Variants in CAPN11 observed in about 807,000 individuals in gnomAD.
CAPN11 encodes the protein calpain 11.
CAPN11 carries 108 observed loss-of-function variants against 105.3 expected under a neutral mutation model. That is an observed-to-expected ratio of 1.03 (90% CI 0.88 to 1.20). The LOEUF is 1.20. Among genes scored for constraint, CAPN11 ranks in the 50% most tolerant of loss-of-function variants. CAPN11 has a pLI of 0.00. For missense variants in CAPN11, 883 were observed against 924.8 expected (o/e 0.95, Z 0.59); for synonymous variants, 329 against 344.5 (o/e 0.96, Z 0.50).
intron 1 of CAPN11, among the ~76,000 whole-genome samples, chr6:44,160,078 G>A (rs1432429891): frequency 6.6e-6 from 1 of 151,816 alleles, no homozygotes; most frequent in Non-Finnish European, 1.5e-5. Context: ...AGGTTGCAGT[G>A]AGCCGAGATC....
At chr6:44,181,575 C>G (rs1773405501) in intron 19 of CAPN11, among the ~76,000 whole-genome samples, 1 of 5,174 alleles carries the variant, frequency 1.9e-4, no homozygotes, top group African/African-American at 4.3e-4. Context: ...ACAACCACAC[C>G]ACACATACAC....
intron 2 of CAPN11, among the ~76,000 whole-genome samples, chr6:44,167,555 TA>T (rs34234150): frequency 0.47 from 63,957 of 136,450 alleles, 14,822 homozygotes; most frequent in Non-Finnish European, 0.52. Context: ...TGGAGGCCAT[TA>T]AAAAAAAAAA....
Position 44,166,894 on chromosome 6 carries a change from C to G in CAPN11, c.88+65C>G, listed in dbSNP as rs1173425419. The G allele has an allele frequency of 2.6e-6, 3 of 1,147,510 alleles. No individual in the cohort carries two copies. In the African/African-American group the frequency reaches 4.6e-5, roughly 18 times the overall value. The allele number at this position is 1,147,510 out of a possible 1,614,324, so 71.1% of individuals were successfully genotyped here. A position where few individuals can be genotyped will look rare whatever the true frequency, so the allele number is the denominator to read the frequency against. On this transcript the variant is annotated intron_variant, in intron 2 of 22. Coordinates refer to ENST00000398776, the MANE Select transcript of CAPN11 (RefSeq NM_007058.4). ...TTTCTTCCTCCTCCTTCACTCTCTT[C>G]TCTTCCCCTGGGCCTGCTGGTGGGG... is the stretch of plus-strand genomic sequence containing the variant.
Position 44,176,085 on chromosome 6 carries a change from ACTGGAATC to A in CAPN11, c.851_858del (p.Leu284HisfsTer3). ...TTCTGTAGGTCACCAGTGATAGTGAACTGGAATCCATGACTGACAAGATGCTGGTGAGA... is the reference window on the plus strand; with the variant it reads ...TTCTGTAGGTCACCAGTGATAGTGAACATGACTGACAAGATGCTGGTGAGA... On this transcript the variant is annotated frameshift_variant, in exon 8 of 23. Transcript: ENST00000398776. LOFTEE classifies it high-confidence loss of function. 6.2e-7 allele frequency: 1 copy of A among 1,611,812 alleles called. No individual in the cohort carries two copies. Among genetic ancestry groups the A allele is most frequent in the African/African-American group, 1.3e-5 (1 of 74,960 alleles).
chr6:44,179,599 C>T lies in CAPN11; in HGVS notation c.1417-20C>T, dbSNP rs1476487074. ...TTCACCACCCTAGAGATCTGACTCTCCTCTTTCTTCCCTTCCCAGGTCCCA... is the reference window on the plus strand; with the variant it reads ...TTCACCACCCTAGAGATCTGACTCTTCTCTTTCTTCCCTTCCCAGGTCCCA... On this transcript the variant is annotated intron_variant, in intron 12 of 22. Coordinates refer to ENST00000398776, the MANE Select transcript of CAPN11 (RefSeq NM_007058.4). 6.2e-7 allele frequency: 1 copy of T among 1,612,434 alleles called. No homozygotes were observed. The highest frequency in any genetic ancestry group is 1.6e-4 in the Middle Eastern group (1 of 6,062).
chr6:44,166,777 A>G lies in CAPN11; in HGVS notation c.36A>G (p.Ser12=), dbSNP rs1769938716. 2 of 1,552,060 alleles carry G rather than the reference A, an allele frequency of 1.3e-6. No individual in the cohort carries two copies. The highest frequency in any genetic ancestry group is 1.2e-5 in the South Asian group (1 of 84,056). ...TTCTAGGGCCGAGTCTTCCGGAGTC[A>G]GCAGAGAGCCTGGATGGATCACAGG... The part of the protein sequence containing the change: ...LYSPGPSLPE[S]AESLDGSQED... The change falls in exon 2 of 23, where the codon TCA becomes TCG. Residue 12 remains serine (S), a synonymous_variant. Transcript: ENST00000398776.
chr6:44,171,843 A>T (rs1771057257), intron 4 of CAPN11, among the ~76,000 whole-genome samples: 1 of 152,188 alleles, frequency 6.6e-6, no homozygotes, highest in Admixed American at 6.5e-5. Context: ...AGGCTGGCAG[A>T]TCTCTTGAGG....
intron 1 of CAPN11, among the ~76,000 whole-genome samples, chr6:44,161,488 C>T (rs1398447951): frequency 6.6e-6 from 1 of 152,228 alleles, no homozygotes; most frequent in Non-Finnish European, 1.5e-5. Flanking sequence ...GCGTGAGCCA[C>T]AGTGCCCAAC....
intron 1 of CAPN11, among the ~76,000 whole-genome samples, chr6:44,165,048 C>A (rs1413043303): frequency 6.6e-6 from 1 of 152,022 alleles, no homozygotes; most frequent in Non-Finnish European, 1.5e-5. Context: ...ACCACCACAC[C>A]TGGCTAATTT....
At chr6:44,158,925 A>G in intron 1 of CAPN11, 61 bp downstream of exon 1, 6 of 1,404,704 alleles carry the variant, frequency 4.3e-6, no homozygotes, top group Non-Finnish European at 4.9e-6. Context: ...GCCTCCCCCC[A>G]GGGGAGGAGC....
Position 44,166,781 on chromosome 6 carries a change from G to A in CAPN11, c.40G>A (p.Glu14Lys). 6.4e-7 allele frequency: 1 copy of A among 1,552,188 alleles called. No individual in the cohort carries two copies. Among genetic ancestry groups the A allele is most frequent in the South Asian group, 1.2e-5 (1 of 84,056 alleles). ...SPGPSLPESAESLDGSQEDKP... is the reference protein window; with the variant it reads ...SPGPSLPESAKSLDGSQEDKP... ...AGGGCCGAGTCTTCCGGAGTCAGCA[G>A]AGAGCCTGGATGGATCACAGGAGGA... is the stretch of plus-strand genomic sequence containing the variant. Residue 14 changes from glutamate (E) to lysine (K), a missense_variant, in exon 2 of 23, where the codon GAG (glutamate) becomes AAG (lysine). Physicochemically the swap from Glu to Lys is moderately conservative, Grantham distance 56. Transcript: ENST00000398776.
intron 4 of CAPN11, among the ~76,000 whole-genome samples, chr6:44,171,930 G>A (rs183559816): frequency 6.6e-6 from 1 of 152,270 alleles, no homozygotes; most frequent in East Asian, 1.9e-4. Context: ...GCCAGGTGGG[G>A]TGGCGGGCGC....
intron 1 of CAPN11, among the ~76,000 whole-genome samples, chr6:44,163,761 T>C (rs1769326414): frequency 6.6e-6 from 1 of 152,232 alleles, no homozygotes; most frequent in Admixed American, 6.5e-5. Flanking sequence ...GGATTCCTAA[T>C]ATCTTCTCAT....
At position 44,180,071 on chromosome 6, in the gene CAPN11, G is replaced by A. The variant is rs375845072; in HGVS notation, c.1548G>A (p.Pro516=). The A allele has an allele frequency of 6.3e-5, 101 of 1,613,086 alleles. No individual in the cohort carries two copies. Among genetic ancestry groups the A allele is most frequent in the South Asian group, 2.0e-4 (18 of 91,040 alleles). Reference sequence around the variant, plus strand: ...TGAGCAGCCAACTCCGGCTGCCTCCGGGGGAATATATCATTATTCCCTCCA... The same window carrying A: ...TGAGCAGCCAACTCCGGCTGCCTCCAGGGGAATATATCATTATTCCCTCCA... ...REVSSQLRLP[P]GEYIIIPSTF... The change falls in exon 14 of 23, where the codon CCG becomes CCA. Residue 516 remains proline, a synonymous_variant. Coordinates refer to ENST00000398776, the MANE Select transcript of CAPN11 (RefSeq NM_007058.4).
At chr6:44,171,762 T>C (rs1477737551) in intron 4 of CAPN11, among the ~76,000 whole-genome samples, 1 of 151,954 alleles carries the variant, frequency 6.6e-6, no homozygotes, top group Non-Finnish European at 1.5e-5. Flanking sequence ...AGGATGTGTC[T>C]CTCACATAAT....
intron 22 of CAPN11, 33 bp downstream of exon 22, chr6:44,183,796 G>C (rs1244119809): frequency 6.2e-7 from 1 of 1,608,736 alleles, no homozygotes; most frequent in Admixed American, 1.7e-5. Flanking sequence ...GAATCTGCAG[G>C]ATTGCACCTG....
rs762382426 is a variant in CAPN11, at chr6:44,184,272, G to A, written c.*340G>A. ...GAGGCCAAGAATAGGGAAGGGACTT[G>A]TAGCCCGTTTCTTACCCTCCATGCT... On this transcript the variant is annotated 3_prime_UTR_variant, in exon 23 of 23. Transcript: ENST00000398776. 3.1e-4 allele frequency: 122 copies of A among 396,586 alleles called. No individual in the cohort carries two copies. Among genetic ancestry groups the A allele is most frequent in the Non-Finnish European group, 4.1e-4 (88 of 215,578 alleles). 24.6% of individuals were successfully genotyped at this position (396,586 alleles called of 1,614,324 possible). A position where few individuals can be genotyped will look rare whatever the true frequency, so the allele number is the denominator to read the frequency against.
intron 1 of CAPN11, 122 bp from the exon 2 acceptor site, chr6:44,166,636 G>A (rs1467304158): frequency 1.4e-6 from 1 of 724,510 alleles, no homozygotes; most frequent in African/African-American, 1.8e-5. Flanking sequence ...CCTCCCTGTA[G>A]CTGCGCCCCA....
At position 44,180,040 on chromosome 6, in the gene CAPN11, G is replaced by A. The variant is rs189485227; in HGVS notation, c.1517G>A (p.Arg506Gln). 3.5e-5 allele frequency: 57 copies of A among 1,612,736 alleles called. No individual in the cohort carries two copies. The highest frequency in any genetic ancestry group is 1.1e-4 in the African/African-American group (8 of 74,938). The change falls in exon 14 of 23, where the codon CGG becomes CAG. Residue 506 changes from arginine to glutamine, a missense_variant. Physicochemically the swap from Arg to Gln is conservative, Grantham distance 43. Coordinates refer to ENST00000398776, the MANE Select transcript of CAPN11 (RefSeq NM_007058.4). The part of the protein sequence containing the change: ...HGFSEIFTNS[R>Q]EVSSQLRLPP... The stretch of plus-strand genomic sequence containing the variant: ...TTCTCAGAGATCTTCACCAACTCAC[G>A]GGAGGTGAGCAGCCAACTCCGGCTG...
Sources: allele counts gnomAD v4.1 joint callset (sites outside exome capture counted in the v4.1 genomes callset), GRCh38; gene constraint gnomAD v4.1.1; transcripts MANE v1.5; gene names NCBI Gene and HGNC (gene_info 2026-07-23, HGNC 2026-07-21).